The following SLC35D4 variants were observed in gnomAD, a reference collection of about 807,000 sequenced individuals.
The protein encoded by SLC35D4 is UDP-N-acetylglucosamine transporter SLC35D4.
the SLC35D4 span, among the ~76,000 whole-genome samples, chr18:23,341,729 T>C: frequency 6.6e-6 from 1 of 151,956 alleles, no homozygotes; most frequent in Non-Finnish European, 1.5e-5. Context: ...TATTTTCAAA[T>C]AGGAAAAAGA....
the SLC35D4 span, among the ~76,000 whole-genome samples, chr18:23,382,966 C>A: frequency 6.6e-6 from 1 of 152,174 alleles, no homozygotes; most frequent in Admixed American, 6.5e-5. Flanking sequence ...GAGGCACAGA[C>A]TTGGTAATAG....
At chr18:23,429,286 G>T in the SLC35D4 span, among the ~76,000 whole-genome samples, 1 of 152,154 alleles carries the variant, frequency 6.6e-6, no homozygotes, top group Non-Finnish European at 1.5e-5. Context: ...TTCCATAGGG[G>T]CTAAGCTAAT....
chr18:23,377,645 C>A, the SLC35D4 span: 1 of 1,577,210 alleles, frequency 6.3e-7, no homozygotes, highest in Admixed American at 1.9e-5. Flanking sequence ...AGTAAACTTA[C>A]CTACAGATCT....
At chr18:23,393,983 CT>C in the SLC35D4 span, among the ~76,000 whole-genome samples, 3 of 152,346 alleles carry the variant, frequency 2.0e-5, no homozygotes, top group South Asian at 6.2e-4. Context: ...TTGCTTCTAC[CT>C]TTTGTCTATT....
chr18:23,343,212 A>T, the SLC35D4 span, among the ~76,000 whole-genome samples: 1 of 152,002 alleles, frequency 6.6e-6, no homozygotes, highest in Non-Finnish European at 1.5e-5. Flanking sequence ...ATAAGCCACT[A>T]TGTCTGGCCT....
the SLC35D4 span, among the ~76,000 whole-genome samples, chr18:23,362,212 T>C: frequency 3.3e-5 from 5 of 152,202 alleles, no homozygotes; most frequent in African/African-American, 1.2e-4. Flanking sequence ...CAGAAACTGG[T>C]GGCTAAACAC....
At chr18:23,273,175 TAG>T in the SLC35D4 span, among the ~76,000 whole-genome samples, 4 of 151,914 alleles carry the variant, frequency 2.6e-5, no homozygotes, top group African/African-American at 7.3e-5. Flanking sequence ...TTCAAACCAG[TAG>T]AGAGGGAAAA....
At chr18:23,270,503 C>G in the SLC35D4 span, among the ~76,000 whole-genome samples, 1 of 152,170 alleles carries the variant, frequency 6.6e-6, no homozygotes, top group Admixed American at 6.5e-5. Flanking sequence ...AGAAGAGGGC[C>G]ACCATCTTCC....
chr18:23,363,477 C>T, the SLC35D4 span, among the ~76,000 whole-genome samples: 1 of 148,272 alleles, frequency 6.7e-6, no homozygotes. Flanking sequence ...CGGGTTCACG[C>T]CATTCTCCTG....
At chr18:23,338,825 C>T in the SLC35D4 span, among the ~76,000 whole-genome samples, 2 of 152,112 alleles carry the variant, frequency 1.3e-5, no homozygotes, top group African/African-American at 4.8e-5. Context: ...GAAGGCTTTG[C>T]CCATCTTTCA....
At chr18:23,243,291 G>A in the SLC35D4 span, among the ~76,000 whole-genome samples, 1 of 151,832 alleles carries the variant, frequency 6.6e-6, no homozygotes, top group Non-Finnish European at 1.5e-5. Flanking sequence ...CAGTAGCTCC[G>A]CACTTCCCTA....
chr18:23,305,594 C>G, the SLC35D4 span, among the ~76,000 whole-genome samples: 1 of 152,060 alleles, frequency 6.6e-6, no homozygotes, highest in Non-Finnish European at 1.5e-5. Flanking sequence ...CAGTAGTTGC[C>G]CAATAAATGG....
At chr18:23,239,058 C>G in the SLC35D4 span, among the ~76,000 whole-genome samples, 1 of 152,354 alleles carries the variant, frequency 6.6e-6, no homozygotes, top group Non-Finnish European at 1.5e-5. Flanking sequence ...TGGGCTGGTG[C>G]TAGATCTGAT....
the SLC35D4 span, among the ~76,000 whole-genome samples, chr18:23,248,671 T>C: frequency 6.6e-6 from 1 of 151,516 alleles, no homozygotes; most frequent in Non-Finnish European, 1.5e-5. Flanking sequence ...CTACTAAAAA[T>C]ACAGCTGGGT....
the SLC35D4 span, among the ~76,000 whole-genome samples, chr18:23,372,813 G>A: frequency 6.6e-6 from 1 of 152,148 alleles, no homozygotes; most frequent in Non-Finnish European, 1.5e-5. Flanking sequence ...ACTTCTGCCT[G>A]AGCAAAGATT....
the SLC35D4 span, chr18:23,309,880 TTTTCCCC>T: frequency 1.2e-6 from 1 of 817,064 alleles, no homozygotes. Flanking sequence ...TCCCGTGTCC[TTTTCCCC>T]ACACGCTTCC....
At chr18:23,420,219 C>T in the SLC35D4 span, among the ~76,000 whole-genome samples, 4 of 152,080 alleles carry the variant, frequency 2.6e-5, no homozygotes, top group Admixed American at 6.6e-5. Flanking sequence ...AGGAGAATTG[C>T]TTGAACCCAG....
At chr18:23,367,323 G>A in the SLC35D4 span, among the ~76,000 whole-genome samples, 2 of 151,988 alleles carry the variant, frequency 1.3e-5, no homozygotes, top group African/African-American at 4.8e-5. Context: ...AATTCCCTCC[G>A]ATACTTAGAT....
chr18:23,349,513 C>T, the SLC35D4 span, among the ~76,000 whole-genome samples: 3 of 152,184 alleles, frequency 2.0e-5, no homozygotes, highest in Non-Finnish European at 4.4e-5. Flanking sequence ...CACCTGTAGT[C>T]CCAGCTACTC....
Sources: gnomAD v4.1 joint callset for allele counts (sites outside exome capture counted in the v4.1 genomes callset) on GRCh38, gnomAD v4.1.1 for gene constraint, MANE v1.5 for transcripts, NCBI Gene and HGNC (gene_info 2026-07-23, HGNC 2026-07-21) for gene names.